MYOM1: variants seen among roughly 807,000 people sequenced by gnomAD.
The protein encoded by MYOM1 is myomesin 1, also known as myomesin-1.
A neutral mutation model predicts 205.3 loss-of-function variants in MYOM1; 164 were observed. That is an observed-to-expected ratio of 0.80 (90% confidence interval 0.70 to 0.91). The LOEUF (loss-of-function observed/expected upper bound fraction) is 0.91, where lower values mean the gene tolerates loss of function less well. Among genes scored for constraint, MYOM1 ranks in the 40% least tolerant of loss-of-function variants. The pLI is 0.00. For missense variants in MYOM1, 2,011 were observed against 2,127.3 expected, an observed-to-expected ratio of 0.95 and a Z score of 1.08; for synonymous variants, 772 against 789.4, an observed-to-expected ratio of 0.98 and a Z score of 0.37.
chr18:3,177,971 A>T (rs1408197131), intron 5 of MYOM1, among the ~76,000 whole-genome samples: 2 of 152,188 alleles, frequency 1.3e-5, no homozygotes, highest in Admixed American at 1.3e-4. Context: ...TGGACTACGC[A>T]GGCGGGCCTC....
intron 27 of MYOM1, 52 bp from the exon 28 acceptor site, chr18:3,089,648 C>T (rs1328016264): frequency 4.9e-6 from 7 of 1,426,764 alleles, no homozygotes; most frequent in Non-Finnish European, 4.9e-6. Flanking sequence ...GGTATAAATG[C>T]ACATGTCAGC....
At chr18:3,107,612 G>A (rs2079468693) in intron 22 of MYOM1, among the ~76,000 whole-genome samples, 1 of 152,158 alleles carries the variant, frequency 6.6e-6, no homozygotes, top group Non-Finnish European at 1.5e-5. Context: ...GCCAGTTTAA[G>A]ATTATGACAT....
chr18:3,181,847 C>T (rs1567954126), intron 5 of MYOM1, among the ~76,000 whole-genome samples: 1 of 151,202 alleles, frequency 6.6e-6, no homozygotes, highest in Non-Finnish European at 1.5e-5. Context: ...AATTCTCCTG[C>T]CTCAGCCTCC....
At chr18:3,203,857 G>A (rs2081097577) in intron 2 of MYOM1, among the ~76,000 whole-genome samples, 1 of 151,230 alleles carries the variant, frequency 6.6e-6, no homozygotes, top group Non-Finnish European at 1.5e-5. Flanking sequence ...ATCCATCATA[G>A]AGACGCAAAA....
the MYOM1 span, among the ~76,000 whole-genome samples, chr18:3,235,537 TG>T: frequency 6.6e-6 from 1 of 152,372 alleles, no homozygotes; most frequent in East Asian, 1.9e-4. Context: ...GTTGGCCTCA[TG>T]TTTCTAAATT....
the MYOM1 span, among the ~76,000 whole-genome samples, chr18:3,233,159 G>A: frequency 6.6e-6 from 1 of 152,136 alleles, no homozygotes; most frequent in African/African-American, 2.4e-5. Context: ...TGGCTAATCT[G>A]GCCACTTCTA....
intron 14 of MYOM1, among the ~76,000 whole-genome samples, chr18:3,137,629 G>C (rs1248885954): frequency 6.6e-6 from 1 of 152,156 alleles, no homozygotes; most frequent in Non-Finnish European, 1.5e-5. Flanking sequence ...TCTCATGGAG[G>C]TAGAGAGTGG....
chr18:3,216,335 T>G (rs1457451435), intron 1 of MYOM1, among the ~76,000 whole-genome samples: 2 of 152,210 alleles, frequency 1.3e-5, no homozygotes, highest in Non-Finnish European at 2.9e-5. Context: ...TCTAATTACC[T>G]TGTACAGAAC....
intron 33 of MYOM1, among the ~76,000 whole-genome samples, chr18:3,082,616 C>A (rs1029628690): frequency 4.6e-4 from 70 of 152,250 alleles, no homozygotes; most frequent in African/African-American, 1.7e-3. Context: ...ACATTTGCAT[C>A]CTGAAGTTGG....
At chr18:3,133,753 T>C (rs1337540335) in intron 16 of MYOM1, among the ~76,000 whole-genome samples, 1 of 152,246 alleles carries the variant, frequency 6.6e-6, no homozygotes, top group African/African-American at 2.4e-5. Context: ...GTTGGCATTA[T>C]GTGTTGCTAA....
intron 2 of MYOM1, among the ~76,000 whole-genome samples, chr18:3,208,778 GA>G (rs1433241360): frequency 6.6e-6 from 1 of 151,840 alleles, no homozygotes; most frequent in Non-Finnish European, 1.5e-5. Flanking sequence ...GTTTCTAAAG[GA>G]AAAAAAGTAA....
At position 3,129,274 on chromosome 18, in the gene MYOM1, C is replaced by T. The variant is rs2079839299; in HGVS notation, c.2752G>A (p.Gly918Arg). 6.2e-7 allele frequency: 1 copy of T among 1,613,870 alleles called. No individual in the cohort carries two copies. Among genetic ancestry groups the T allele is most frequent in the African/African-American group, 1.3e-5 (1 of 74,926 alleles). The stretch of plus-strand genomic sequence containing the variant: ...TTCAGGGGGTCAGACTTACTTTTCC[C>T]CTGAGGAGCCGCTTTCTGTGGTGGC... ...TPPPQKAAPQGKSKSDPLKKK... is the reference protein window; with the variant it reads ...TPPPQKAAPQRKSKSDPLKKK... Residue 918 changes from glycine (G) to arginine (R), a missense_variant, in exon 18 of 38, where the codon GGG (glycine) becomes AGG (arginine). Coordinates refer to ENST00000356443, the MANE Select transcript of MYOM1 (RefSeq NM_003803.4).
intron 19 of MYOM1, among the ~76,000 whole-genome samples, chr18:3,123,801 T>C (rs2079734493): frequency 6.8e-6 from 1 of 147,876 alleles, no homozygotes; most frequent in South Asian, 2.1e-4. Flanking sequence ...TCAACTTTAC[T>C]ATAAAGCTAT....
chr18:3,198,071 C>T (rs1300437081), intron 2 of MYOM1, among the ~76,000 whole-genome samples: 1 of 140,388 alleles, frequency 7.1e-6, no homozygotes, highest in African/African-American at 2.8e-5. Context: ...AAAAATAAAG[C>T]ACAAAAAAAA....
rs1275547775 is a variant in MYOM1, at chr18:3,149,183, C to G, written c.1862G>C (p.Trp621Ser). The change falls in exon 13 of 38, where the codon TGG becomes TCG. Residue 621 changes from tryptophan to serine, a missense_variant. Physicochemically the swap from Trp to Ser is radical, Grantham distance 177. Coordinates refer to ENST00000356443, the MANE Select transcript of MYOM1 (RefSeq NM_003803.4). ...TTCAGTAACAATGATCTGTCCAGTCCAGGGTGCTGAGGGGCGACCTGAATA... is the reference window on the plus strand; with the variant it reads ...TTCAGTAACAATGATCTGTCCAGTCGAGGGTGCTGAGGGGCGACCTGAATA... ...ARLKSRPSAP[W>S]TGQIIVTEEE... 6.2e-7 allele frequency: 1 copy of G among 1,613,788 alleles called. No homozygotes were observed. Among genetic ancestry groups the G allele is most frequent in the Middle Eastern group, 1.6e-4 (1 of 6,062 alleles).
Position 3,079,353 on chromosome 18 carries a change from C to T in MYOM1, c.4485-11G>A, listed in dbSNP as rs370800170. ...CTAATGGCGGACCCACTGTGAAAAT[C>T]GAAGAAAACTTCCTTAGCATTTGCT... On this transcript the variant is annotated splice_polypyrimidine_tract_variant and intron_variant, in intron 33 of 37. Transcript: ENST00000356443. 7 of 1,599,480 alleles carry T rather than the reference C, an allele frequency of 4.4e-6. No homozygotes were observed. Among genetic ancestry groups the T allele is most frequent in the Non-Finnish European group, 6.0e-6 (7 of 1,170,512 alleles).
Position 3,215,125 on chromosome 18 carries a change from C to T in MYOM1, c.99G>A (p.Lys33=). The change falls in exon 2 of 38, where the codon AAG becomes AAA. Residue 33 remains lysine (K), a synonymous_variant. Transcript: ENST00000356443. The part of the protein sequence containing the change: ...RSTVSHYQRE[K]KRSAVYTQGS... The stretch of plus-strand genomic sequence containing the variant: ...CCTGGGTGTAGACGGCGGAGCGTTT[C>T]TTCTCCCGCTGGTAGTGACTCACGG... The T allele has an allele frequency of 6.2e-7, 1 of 1,613,910 alleles. No homozygotes were observed. Among genetic ancestry groups the T allele is most frequent in the Non-Finnish European group, 8.5e-7 (1 of 1,179,872 alleles).
In MYOM1 at chr18:3,174,104, A is replaced by T. The variant is rs772743803; in HGVS notation, c.1111+16T>A. 5.6e-6 allele frequency: 9 copies of T among 1,613,588 alleles called. No homozygotes were observed. Among genetic ancestry groups the T allele is most frequent in the Non-Finnish European group, 7.6e-6 (9 of 1,179,510 alleles). ...ACACACACACACTTTGAAGAAAACA[A>T]ATCTAGCAAACCTACTTTTTACCAC... On this transcript the variant is annotated intron_variant, in intron 7 of 37. Coordinates refer to ENST00000356443, the MANE Select transcript of MYOM1 (RefSeq NM_003803.4).
chr18:3,159,738 T>C (rs910134059), intron 10 of MYOM1, among the ~76,000 whole-genome samples: 9 of 152,060 alleles, frequency 5.9e-5, no homozygotes, highest in Non-Finnish European at 8.8e-5. Flanking sequence ...TAAAAAACCA[T>C]AGAGATCCAG....
Sources: allele counts gnomAD v4.1 joint callset (sites outside exome capture counted in the v4.1 genomes callset), GRCh38; gene constraint gnomAD v4.1.1; transcripts MANE v1.5; gene names NCBI Gene and HGNC (gene_info 2026-07-23, HGNC 2026-07-21).